Variants in ZNF207 observed in about 807,000 individuals in gnomAD.
ZNF207 encodes the protein BUB3-interacting and GLEBS motif-containing protein ZNF207.
ZNF207 carries 24 observed loss-of-function variants against 60.2 expected under a neutral mutation model. The ratio of observed to expected loss-of-function variants is 0.40; its 90% CI spans 0.29 to 0.56. ZNF207 has a LOEUF of 0.56. ZNF207 is among the 20% of genes least tolerant of loss of function. The pLI, the probability that ZNF207 is intolerant of heterozygous loss-of-function variation, is 0.49. For synonymous variants in ZNF207, 236 were observed against 194.7 expected (o/e 1.21, Z -1.77); for missense variants, 452 against 636.6 (o/e 0.71, Z 3.12).
chr17:32,369,351 G>A lies in ZNF207; in HGVS notation c.1221G>A (p.Gln407=). The A allele has an allele frequency of 1.2e-6, 2 of 1,614,102 alleles. No homozygotes were observed. Among genetic ancestry groups the A allele is most frequent in the Non-Finnish European group, 1.7e-6 (2 of 1,180,020 alleles). Residue 407 remains glutamine, a synonymous_variant, in exon 11 of 12, where the codon CAG becomes CAA. Coordinates refer to ENST00000394670, the MANE Select transcript of ZNF207 (RefSeq NM_001098507.2). ...AACGTAATCTTCCTCGGCCAGGACA[G>A]GCCCCCATCGGTAATCCACCAGTTG... ...KYQRNLPRPG[Q]APIGNPPVGP...
Position 32,369,624 on chromosome 17 carries a change from C to T in ZNF207, c.1350C>T (p.Gly450=). ...GTCAGTATGGTGGTCATCATCAAGG[C>T]ATGCCAGGATACCTTCCTGGTGCTA... ...PHGQYGGHHQ[G]MPGYLPGAMP... Residue 450 remains glycine, a synonymous_variant, in exon 12 of 12, where the codon GGC becomes GGT. Coordinates refer to ENST00000394670, the MANE Select transcript of ZNF207 (RefSeq NM_001098507.2). 1 of 1,568,504 alleles carries T rather than the reference C, an allele frequency of 6.4e-7. No individual in the cohort carries two copies. The highest frequency in any genetic ancestry group is 1.4e-5 in the African/African-American group (1 of 73,474).
Position 32,378,247 on chromosome 17 carries a change from C to G in ZNF207, c.*8488C>G, listed in dbSNP as rs1474725993. The G allele has an allele frequency of 1.3e-5, 2 of 151,996 alleles. No individual in the cohort carries two copies. The highest frequency in any genetic ancestry group is 2.9e-5 in the Non-Finnish European group (2 of 67,904). 9.4% of individuals were successfully genotyped at this position (151,996 alleles called of 1,614,324 possible). A position where few individuals can be genotyped will look rare whatever the true frequency, so the allele number is the denominator to read the frequency against. The stretch of plus-strand genomic sequence containing the variant: ...TGTACATAAAAGGAAAAGACAGTTT[C>G]AGTTGGCTATGCCCTTGTTGATAGA... On this transcript the variant is annotated 3_prime_UTR_variant, in exon 12 of 12. Transcript: ENST00000394670.
intron 10 of ZNF207, 138 bp from the exon 11 acceptor site, chr17:32,369,157 G>A: frequency 2.2e-6 from 2 of 904,560 alleles, no homozygotes; most frequent in Non-Finnish European, 3.3e-6. Context: ...TGGTTTGTCT[G>A]GCAAAAGTAA....
chr17:32,363,116 T>C (rs756372612), intron 7 of ZNF207, 132 bp downstream of exon 7: 33 of 642,878 alleles, frequency 5.1e-5, no homozygotes, highest in Middle Eastern at 4.4e-4. Context: ...AGAAGTGTTA[T>C]ATGGACCCTT....
chr17:32,355,543 A>G (rs757274439), intron 2 of ZNF207, among the ~76,000 whole-genome samples: 5 of 152,230 alleles, frequency 3.3e-5, no homozygotes, highest in Non-Finnish European at 5.9e-5. Context: ...AAGCAGTTTG[A>G]TGTACAAGTC....
In ZNF207 at chr17:32,360,520, T is replaced by C. The variant is rs1904809427; in HGVS notation, c.308-78T>C. ...CTCATGAAGTAATTTTACCCATATA[T>C]GTATTTTTAAATATTGAATGTTGTA... On this transcript the variant is annotated intron_variant, in intron 3 of 11. Transcript: ENST00000394670. 1.1e-5 allele frequency: 15 copies of C among 1,339,872 alleles called. No individual in the cohort carries two copies. The South Asian group carries it at 2.2e-4, about 20-fold the overall frequency. The allele number at this position is 1,339,872 out of a possible 1,614,324, so 83.0% of individuals were successfully genotyped here.
rs1490618645 is a variant in ZNF207 at position 32,360,584 on chromosome 17, T to A, written c.308-14T>A. The A allele has an allele frequency of 6.3e-7, 1 of 1,583,182 alleles. No individual in the cohort carries two copies. Among genetic ancestry groups the A allele is most frequent in the Non-Finnish European group, 8.5e-7 (1 of 1,170,074 alleles). On this transcript the variant is annotated splice_polypyrimidine_tract_variant and intron_variant, in intron 3 of 11. Transcript: ENST00000394670. ...AGTTTTTACTCTATGGAAATAATTT[T>A]TTTTTTTTAACAGAAAGTCAAAAAA...
At chr17:32,350,362 G>T in intron 1 of ZNF207, 36 bp downstream of exon 1, 2 of 1,613,768 alleles carry the variant, frequency 1.2e-6, no homozygotes, top group South Asian at 1.1e-5. Context: ...GGTCGCGTTG[G>T]GGTGCCGGTT....
chr17:32,364,646 C>G (rs1221990087), intron 7 of ZNF207, among the ~76,000 whole-genome samples: 1 of 152,188 alleles, frequency 6.6e-6, no homozygotes, highest in Non-Finnish European at 1.5e-5. Context: ...TCGTGAGCCA[C>G]TGTGCCCGGC....
rs981909546 is a variant in ZNF207, at chr17:32,374,991, C to T, written c.*5232C>T. On this transcript the variant is annotated 3_prime_UTR_variant, in exon 12 of 12. Transcript: ENST00000394670. ...AATAATTAGGGAATTGGAAGAGAGG[C>T]CAAAAACAAACCTGAATTACTTTTG... 6.6e-6 allele frequency: 1 copy of T among 152,092 alleles called. No individual in the cohort carries two copies. Among genetic ancestry groups the T allele is most frequent in the Non-Finnish European group, 1.5e-5 (1 of 68,004 alleles). 9.4% of individuals were successfully genotyped at this position (152,092 alleles called of 1,614,324 possible). A position where few individuals can be genotyped will look rare whatever the true frequency, so the allele number is the denominator to read the frequency against.
intron 1 of ZNF207, chr17:32,351,469 C>T (rs2041505981): frequency 2.8e-6 from 4 of 1,428,086 alleles, no homozygotes; most frequent in Non-Finnish European, 3.7e-6. Flanking sequence ...CCTCAGTGTG[C>T]ATTTGTAAAT....
chr17:32,358,250 G>A (rs571527367), intron 2 of ZNF207, among the ~76,000 whole-genome samples: 6 of 152,248 alleles, frequency 3.9e-5, no homozygotes, highest in African/African-American at 4.8e-5. Flanking sequence ...TAGACATCTC[G>A]CCAAGTGTTT....
chr17:32,361,109 A>T, intron 5 of ZNF207, 142 bp downstream of exon 5: 1 of 856,910 alleles, frequency 1.2e-6, no homozygotes, highest in Non-Finnish European at 1.8e-6. Context: ...TAATAAAGGG[A>T]TCAACCAGTA....
intron 9 of ZNF207, among the ~76,000 whole-genome samples, chr17:32,367,460 T>A (rs1160858626): frequency 1.3e-5 from 2 of 151,576 alleles, no homozygotes; most frequent in African/African-American, 4.8e-5. Context: ...GATACTGTAT[T>A]TCAGCAATCT....
At position 32,376,975 on chromosome 17, in the gene ZNF207, T is replaced by C. The variant is rs575966522; in HGVS notation, c.*7216T>C. 1 of 152,162 alleles carries C rather than the reference T, an allele frequency of 6.6e-6. No individual in the cohort carries two copies. The highest frequency in any genetic ancestry group is 1.5e-5 in the Non-Finnish European group (1 of 67,902). 9.4% of individuals were successfully genotyped at this position (152,162 alleles called of 1,614,324 possible). On this transcript the variant is annotated 3_prime_UTR_variant, in exon 12 of 12. Coordinates refer to ENST00000394670, the MANE Select transcript of ZNF207 (RefSeq NM_001098507.2). ...TGACATTGTTAGTGTCTGGGTTGGTTGGTTTGCATTTTACTATTATGGTGG... is the reference window on the plus strand; with the variant it reads ...TGACATTGTTAGTGTCTGGGTTGGTCGGTTTGCATTTTACTATTATGGTGG...
chr17:32,372,633 G>A lies in ZNF207; in HGVS notation c.*2874G>A, dbSNP rs1359460437. Reference sequence around the variant, plus strand: ...AGTTTGTAGCTATAGGCTCAGAGGTGGTGTACCCATTTAATATATTTGAAG... The same window carrying A: ...AGTTTGTAGCTATAGGCTCAGAGGTAGTGTACCCATTTAATATATTTGAAG... On this transcript the variant is annotated 3_prime_UTR_variant, in exon 12 of 12. Transcript: ENST00000394670. 4 of 152,200 alleles carry A rather than the reference G, an allele frequency of 2.6e-5. No individual in the cohort carries two copies. The East Asian group carries it at 7.7e-4, about 29-fold the overall frequency. The allele number at this position is 152,200 out of a possible 1,614,324, so 9.4% of individuals were successfully genotyped here. A position where few individuals can be genotyped will look rare whatever the true frequency, so the allele number is the denominator to read the frequency against.
intron 7 of ZNF207, among the ~76,000 whole-genome samples, chr17:32,364,340 G>A (rs185218545): frequency 1.8e-4 from 27 of 151,466 alleles, no homozygotes; most frequent in African/African-American, 4.6e-4. Context: ...TGCCACACGA[G>A]GCTATTAGTT....
Position 32,351,882 on chromosome 17 carries a change from A to G in ZNF207, c.138A>G (p.Thr46=). ...ATATATGTCACAAGAAATTGTATAC[A>G]GGACCTGGCTTAGCTATTCATTGCA... ...KCHICHKKLY[T]GPGLAIHCMQ... is the part of the protein sequence containing the mutation. Residue 46 remains threonine, a synonymous_variant, in exon 2 of 12, where the codon ACA becomes ACG. Coordinates refer to ENST00000394670, the MANE Select transcript of ZNF207 (RefSeq NM_001098507.2). 6.3e-7 allele frequency: 1 copy of G among 1,591,546 alleles called. No homozygotes were observed. The highest frequency in any genetic ancestry group is 8.6e-7 in the Non-Finnish European group (1 of 1,166,794).
Position 32,359,911 on chromosome 17 carries a change from TGATA to T in ZNF207, c.308-678_308-675del, listed in dbSNP as rs555165814. 8.6e-4 allele frequency among the ~76,000 whole-genome samples: 131 copies of T among 152,212 alleles called. 1 individual carries two copies. The highest frequency in any genetic ancestry group is 1.4e-3 in the Non-Finnish European group (93 of 68,006). ...TAGATAAATCGATTGATTGATCACT[TGATA>T]GATAGATAAAATTGAATGGTAGATG... is the stretch of plus-strand genomic sequence containing the variant. On this transcript the variant is annotated intron_variant, in intron 3 of 11. Coordinates refer to ENST00000394670, the MANE Select transcript of ZNF207 (RefSeq NM_001098507.2).
Sources: gnomAD v4.1 joint callset for allele counts (sites outside exome capture counted in the v4.1 genomes callset) on GRCh38, gnomAD v4.1.1 for gene constraint, MANE v1.5 for transcripts, NCBI Gene and HGNC (gene_info 2026-07-23, HGNC 2026-07-21) for gene names.